The following ZPLD1 variants were observed in gnomAD, a reference collection of about 807,000 sequenced individuals.
ZPLD1 encodes the protein zona pellucida-like domain-containing protein 1.
ZPLD1 carries 34 observed loss-of-function variants against 47.2 expected under a neutral mutation model. The observed-to-expected ratio is 0.72, with a 90% CI of 0.55 to 0.96. ZPLD1 has a LOEUF of 0.96. Ranked by LOEUF, ZPLD1 falls within the 40% of genes least tolerant of loss-of-function variation. ZPLD1 has a pLI of 0.00. For missense variants in ZPLD1, 512 were observed against 505.8 expected, an observed-to-expected ratio of 1.01 and a Z score of -0.12; for synonymous variants, 176 against 186.2, an observed-to-expected ratio of 0.95 and a Z score of 0.45.
intron 7 of ZPLD1, among the ~76,000 whole-genome samples, chr3:102,406,744 GT>G (rs1385497289): frequency 2.0e-5 from 3 of 151,886 alleles, no homozygotes; most frequent in Non-Finnish European, 4.4e-5. Context: ...AGTTTAAAAT[GT>G]TTTAAAAAGA....
At chr3:102,387,976 T>G (rs1159754280) in intron 6 of ZPLD1, among the ~76,000 whole-genome samples, 1 of 148,272 alleles carries the variant, frequency 6.7e-6, no homozygotes, top group African/African-American at 2.5e-5. Context: ...TTCTCCTGCC[T>G]CAGCCTCCCA....
chr3:102,415,508 T>C (rs1212168039), intron 7 of ZPLD1, among the ~76,000 whole-genome samples: 2 of 151,858 alleles, frequency 1.3e-5, no homozygotes, highest in Non-Finnish European at 2.9e-5. Context: ...TTTGGATGGA[T>C]GCTACAAACT....
At chr3:102,451,589 T>G (rs572854982) in intron 3 of ZPLD1, among the ~76,000 whole-genome samples, 7 of 152,148 alleles carry the variant, frequency 4.6e-5, no homozygotes, top group Non-Finnish European at 5.9e-5. Context: ...TGTCCTGGGG[T>G]GATTTAAAAC....
At chr3:102,432,005 T>C (rs1038906181), upstream of ZPLD1, among the ~76,000 whole-genome samples, 1 of 152,204 alleles carries the variant, frequency 6.6e-6, no homozygotes, top group Non-Finnish European at 1.5e-5. Context: ...GATTCTTAGC[T>C]GGGCAATACA....
chr3:102,433,075 T>C (rs184466188), upstream of ZPLD1, among the ~76,000 whole-genome samples: 3 of 152,348 alleles, frequency 2.0e-5, no homozygotes, highest in Admixed American at 2.0e-4. Context: ...TATGCAGATA[T>C]GCAATAAAAA....
chr3:102,407,249 C>G (rs1207506366), intron 7 of ZPLD1, among the ~76,000 whole-genome samples: 1 of 150,688 alleles, frequency 6.6e-6, no homozygotes, highest in Non-Finnish European at 1.5e-5. Flanking sequence ...CTTCCCAACT[C>G]TATTGTTTTG....
At chr3:102,440,731 G>GAAAAA (rs77649810) in intron 3 of ZPLD1, among the ~76,000 whole-genome samples, 3 of 112,870 alleles carry the variant, frequency 2.7e-5, no homozygotes, top group African/African-American at 3.2e-5. Context: ...TTGTGATTGG[G>GAAAAA]AAAAAAAAAA....
At chr3:102,413,722 C>G (rs933315163) in intron 7 of ZPLD1, among the ~76,000 whole-genome samples, 2 of 151,510 alleles carry the variant, frequency 1.3e-5, no homozygotes, top group Non-Finnish European at 3.0e-5. Context: ...GAAAATGATC[C>G]CATAGTAAGA....
At chr3:102,397,641 C>T (rs148793660) in intron 7 of ZPLD1, among the ~76,000 whole-genome samples, 5 of 152,134 alleles carry the variant, frequency 3.3e-5, no homozygotes, top group Non-Finnish European at 7.4e-5. Context: ...TCAGAAGGTG[C>T]CTCTCTAGGA....
intron 8 of ZPLD1, among the ~76,000 whole-genome samples, chr3:102,423,569 A>G (rs1042050923): frequency 2.6e-5 from 4 of 152,132 alleles, no homozygotes; most frequent in African/African-American, 9.7e-5. Flanking sequence ...TTTTTTCTCC[A>G]GTAAATTTAC....
At chr3:102,457,748 A>G in intron 5 of ZPLD1, 33 bp from the exon 6 acceptor site, 1 of 1,601,762 alleles carries the variant, frequency 6.2e-7, no homozygotes, top group Non-Finnish European at 8.6e-7. Context: ...CTAAAATCTC[A>G]TCAGTGCTTT....
intron 3 of ZPLD1, among the ~76,000 whole-genome samples, chr3:102,448,311 T>C (rs997382494): frequency 6.6e-6 from 1 of 152,208 alleles, no homozygotes; most frequent in African/African-American, 2.4e-5. Context: ...GGTTGTTTAG[T>C]AGTCTTGAAC....
chr3:102,391,674 A>G (rs1706497032), intron 6 of ZPLD1, among the ~76,000 whole-genome samples: 1 of 152,072 alleles, frequency 6.6e-6, no homozygotes, highest in African/African-American at 2.4e-5. Flanking sequence ...CCCCAGCTGA[A>G]CCACTCCAAC....
At chr3:102,429,035 T>A (rs1398104672) in intron 8 of ZPLD1, among the ~76,000 whole-genome samples, 1 of 152,118 alleles carries the variant, frequency 6.6e-6, no homozygotes, top group Non-Finnish European at 1.5e-5. Flanking sequence ...CTAAACTAAC[T>A]GAAATTACTT....
intron 8 of ZPLD1, among the ~76,000 whole-genome samples, chr3:102,429,737 T>A (rs1389785106): frequency 6.6e-6 from 1 of 152,170 alleles, no homozygotes; most frequent in South Asian, 2.1e-4. Context: ...TCCAAATGAC[T>A]CAGTATCCAC....
At chr3:102,398,184 A>G (rs1254360264) in intron 7 of ZPLD1, among the ~76,000 whole-genome samples, 4 of 152,050 alleles carry the variant, frequency 2.6e-5, no homozygotes, top group African/African-American at 9.7e-5. Flanking sequence ...TTTTTTTTGA[A>G]CTTAGGGAAA....
intron 6 of ZPLD1, among the ~76,000 whole-genome samples, chr3:102,390,650 C>A (rs971335226): frequency 2.0e-5 from 3 of 152,170 alleles, no homozygotes; most frequent in Non-Finnish European, 4.4e-5. Context: ...TGGTTTGCTG[C>A]TGTGAGTCTT....
chr3:102,446,321 G>A (rs1202970806), intron 3 of ZPLD1, among the ~76,000 whole-genome samples: 1 of 152,156 alleles, frequency 6.6e-6, no homozygotes, highest in Non-Finnish European at 1.5e-5. Flanking sequence ...TTACAGAAAG[G>A]CTCATCAGAG....
At chr3:102,447,343 C>T (rs140250461) in intron 3 of ZPLD1, among the ~76,000 whole-genome samples, 136 of 152,276 alleles carry the variant, frequency 8.9e-4, no homozygotes, top group African/African-American at 3.1e-3. Context: ...GGATTACAAG[C>T]GTGAGCCACC....
Sources: gnomAD v4.1 joint callset for allele counts (sites outside exome capture counted in the v4.1 genomes callset) on GRCh38, gnomAD v4.1.1 for gene constraint, MANE v1.5 for transcripts, NCBI Gene and HGNC (gene_info 2026-07-23, HGNC 2026-07-21) for gene names.